ZNF804B: variants seen among roughly 807,000 people sequenced by gnomAD.
The protein encoded by ZNF804B is zinc finger 804B.
A neutral mutation model predicts 101.4 loss-of-function variants in ZNF804B; 80 were observed. The ratio of observed to expected loss-of-function variants is 0.79; its 90% CI spans 0.66 to 0.95. ZNF804B has a LOEUF of 0.95. Among genes scored for constraint, ZNF804B ranks in the 40% least tolerant of loss-of-function variants. The pLI, the probability that ZNF804B is intolerant of heterozygous loss-of-function variation, is 0.00. For missense variants in ZNF804B, 1,673 were observed against 1,561.9 expected (o/e 1.07, Z -1.20); for synonymous variants, 622 against 558.8 (o/e 1.11, Z -1.59).
intron 2 of ZNF804B, among the ~76,000 whole-genome samples, chr7:89,325,329 C>T (rs1047145240): frequency 4.6e-5 from 7 of 151,968 alleles, no homozygotes; most frequent in African/African-American, 1.7e-4. Flanking sequence ...TTCCTAAACA[C>T]AATTAATCTT....
chr7:88,820,910 C>A (rs1790968089), intron 1 of ZNF804B, among the ~76,000 whole-genome samples: 1 of 152,118 alleles, frequency 6.6e-6, no homozygotes, highest in South Asian at 2.1e-4. Flanking sequence ...TGTGAATATG[C>A]TGCAGTGAGA....
chr7:89,231,042 A>G (rs1003186076), intron 2 of ZNF804B, among the ~76,000 whole-genome samples: 1 of 152,078 alleles, frequency 6.6e-6, no homozygotes, highest in African/African-American at 2.4e-5. Context: ...AGAATTGCAA[A>G]GTATTTTTAT....
At chr7:89,024,939 G>A (rs1355613662) in intron 1 of ZNF804B, among the ~76,000 whole-genome samples, 3 of 151,864 alleles carry the variant, frequency 2.0e-5, no homozygotes, top group Non-Finnish European at 4.4e-5. Flanking sequence ...TGTCCAGGAG[G>A]GAATGAGGAC....
At chr7:88,879,707 A>G (rs1583994170) in intron 1 of ZNF804B, among the ~76,000 whole-genome samples, 1 of 152,216 alleles carries the variant, frequency 6.6e-6, no homozygotes, top group South Asian at 2.1e-4. Flanking sequence ...TCAATTTTTA[A>G]AGCTTCCCGA....
intron 2 of ZNF804B, among the ~76,000 whole-genome samples, chr7:89,273,426 T>C (rs1004716675): frequency 3.9e-5 from 6 of 152,122 alleles, no homozygotes; most frequent in Non-Finnish European, 8.8e-5. Context: ...TGGTTAAATG[T>C]TTTATTTTGT....
intron 2 of ZNF804B, among the ~76,000 whole-genome samples, chr7:89,282,475 C>G (rs1356781502): frequency 3.9e-5 from 6 of 152,112 alleles, no homozygotes; most frequent in African/African-American, 1.4e-4. Context: ...ACTTTCCACT[C>G]AACGTGAACC....
intron 1 of ZNF804B, among the ~76,000 whole-genome samples, chr7:89,048,650 T>C (rs938415026): frequency 1.3e-4 from 20 of 151,962 alleles, no homozygotes; most frequent in Non-Finnish European, 2.1e-4. Flanking sequence ...CTCCTGCTAG[T>C]ATTTTGAAAG....
chr7:88,912,604 G>T (rs1356420407), intron 1 of ZNF804B, among the ~76,000 whole-genome samples: 2 of 152,052 alleles, frequency 1.3e-5, no homozygotes, highest in Admixed American at 1.3e-4. Context: ...AAAGGCCAAA[G>T]CATATTTATC....
At chr7:89,196,380 AG>A (rs1480123825) in intron 1 of ZNF804B, among the ~76,000 whole-genome samples, 1 of 152,168 alleles carries the variant, frequency 6.6e-6, no homozygotes, top group Non-Finnish European at 1.5e-5. Flanking sequence ...CAATAGGGAA[AG>A]GACTCCTATT....
At chr7:88,876,807 A>G (rs188085135) in intron 1 of ZNF804B, among the ~76,000 whole-genome samples, 46 of 151,594 alleles carry the variant, frequency 3.0e-4, no homozygotes, top group Admixed American at 2.8e-3. Flanking sequence ...TTTAGCTCTA[A>G]TAAAATCTTT....
chr7:88,858,275 T>C (rs891300082), intron 1 of ZNF804B, among the ~76,000 whole-genome samples: 1 of 152,234 alleles, frequency 6.6e-6, no homozygotes, highest in Non-Finnish European at 1.5e-5. Flanking sequence ...TTCTTCAAGG[T>C]ACTTTCACCA....
chr7:89,092,141 G>A (rs1789898564), intron 1 of ZNF804B, among the ~76,000 whole-genome samples: 1 of 151,318 alleles, frequency 6.6e-6, no homozygotes, highest in East Asian at 2.0e-4. Flanking sequence ...CCTTTTCCTG[G>A]TTATTAGATG....
intron 2 of ZNF804B, among the ~76,000 whole-genome samples, chr7:89,325,283 T>A (rs1790880717): frequency 6.6e-6 from 1 of 151,990 alleles, no homozygotes; most frequent in African/African-American, 2.4e-5. Flanking sequence ...TCTTCCAGTT[T>A]TCTGTGTTCC....
At chr7:89,070,171 G>A (rs1317265193) in intron 1 of ZNF804B, among the ~76,000 whole-genome samples, 1 of 152,154 alleles carries the variant, frequency 6.6e-6, no homozygotes, top group Non-Finnish European at 1.5e-5. Flanking sequence ...CACATTAGAA[G>A]GTAACCTTAC....
At chr7:89,285,472 G>A (rs1434364570) in intron 2 of ZNF804B, among the ~76,000 whole-genome samples, 26 of 126,336 alleles carry the variant, frequency 2.1e-4, no homozygotes, top group African/African-American at 4.8e-4. Flanking sequence ...GCAGTGAGCC[G>A]AGATCATGCC....
intron 1 of ZNF804B, among the ~76,000 whole-genome samples, chr7:88,862,518 A>T (rs1465841813): frequency 6.6e-6 from 1 of 152,208 alleles, no homozygotes; most frequent in Non-Finnish European, 1.5e-5. Context: ...TATAGATACA[A>T]CAAAATTGAA....
intron 1 of ZNF804B, among the ~76,000 whole-genome samples, chr7:88,817,784 A>G (rs1047039660): frequency 5.9e-5 from 9 of 152,158 alleles, no homozygotes; most frequent in African/African-American, 1.9e-4. Context: ...AAAGGATTTC[A>G]TCTGTTTTTT....
At chr7:89,198,640 A>C (rs910067393) in intron 1 of ZNF804B, among the ~76,000 whole-genome samples, 2 of 152,028 alleles carry the variant, frequency 1.3e-5, no homozygotes, top group Non-Finnish European at 2.9e-5. Context: ...TTTATTGTTC[A>C]TCTTTGAGTA....
At chr7:88,837,541 G>C (rs1196679975) in intron 1 of ZNF804B, among the ~76,000 whole-genome samples, 2 of 151,926 alleles carry the variant, frequency 1.3e-5, no homozygotes, top group African/African-American at 4.8e-5. Context: ...ACCATTTAAA[G>C]AGTGGAATAT....
Sources: gnomAD v4.1 joint callset for allele counts (sites outside exome capture counted in the v4.1 genomes callset) on GRCh38, gnomAD v4.1.1 for gene constraint, MANE v1.5 for transcripts, NCBI Gene and HGNC (gene_info 2026-07-23, HGNC 2026-07-21) for gene names.